Variants in KDM2B observed in about 807,000 individuals in gnomAD.
KDM2B encodes the protein lysine demethylase 2B, also known as lysine-specific demethylase 2B.
A neutral mutation model predicts 150.0 loss-of-function variants in KDM2B; 26 were observed. The observed-to-expected ratio is 0.17, with a 90% confidence interval of 0.13 to 0.24. The LOEUF (loss-of-function observed/expected upper bound fraction) is 0.24. KDM2B is among the 10% of genes least tolerant of loss of function. The pLI is 1.00. For missense variants in KDM2B, 1,265 were observed against 1,816.9 expected, an observed-to-expected ratio of 0.70 and a Z score of 5.52; for synonymous variants, 734 against 729.5, an observed-to-expected ratio of 1.01 and a Z score of -0.10.
At chr12:121,415,840 C>CTTTTTTTT in the KDM2B span, among the ~76,000 whole-genome samples, 1 of 108,088 alleles carries the variant, frequency 9.3e-6, no homozygotes, top group Non-Finnish European at 1.8e-5. Context: ...TTTGTCCAGT[C>CTTTTTTTT]TTTTTTTTTT....
the KDM2B span, among the ~76,000 whole-genome samples, chr12:121,422,546 C>G: frequency 6.6e-6 from 1 of 152,238 alleles, no homozygotes; most frequent in South Asian, 2.1e-4. Flanking sequence ...CCCCAGATCA[C>G]AAGAATCTCT....
At chr12:121,500,916 C>T (rs552885173) in intron 11 of KDM2B, among the ~76,000 whole-genome samples, 1 of 152,280 alleles carries the variant, frequency 6.6e-6, no homozygotes, top group East Asian at 1.9e-4. Context: ...GCCTGGTCAA[C>T]ATGGTGAGAC....
rs1872745024 is a variant in KDM2B at position 121,429,951 on chromosome 12, C to T, written c.*337G>A. On this transcript the variant is annotated 3_prime_UTR_variant, in exon 23 of 23. Coordinates refer to ENST00000377071, the MANE Select transcript of KDM2B (RefSeq NM_032590.5). The stretch of plus-strand genomic sequence containing the variant: ...GTTGCAAGGAATGAAGTGTCCAAAA[C>T]ACCACTACCACTAACAGAAACTCCT... The T allele has an allele frequency of 1.5e-6, 1 of 675,058 alleles. No homozygotes were observed. Among genetic ancestry groups the T allele is most frequent in the Admixed American group, 2.6e-5 (1 of 38,760 alleles). 41.8% of individuals were successfully genotyped at this position (675,058 alleles called of 1,614,324 possible). A position where few individuals can be genotyped will look rare whatever the true frequency, so the allele number is the denominator to read the frequency against.
chr12:121,521,011 T>C lies in KDM2B; in HGVS notation c.1021A>G (p.Ile341Val). Residue 341 changes from isoleucine (I) to valine (V), a missense_variant, in exon 9 of 23, where the codon ATC becomes GTC. Coordinates refer to ENST00000377071, the MANE Select transcript of KDM2B (RefSeq NM_032590.5). The surrounding 1 kb of genome is among the most constrained non-coding windows in gnomAD (Gnocchi z 4.9). Reference sequence around the variant, plus strand: ...CGCGTCCTGTCCTCGATCTCGTAGATCCGCAGCTGCATGGGCACGTTAAAG... The same window carrying C: ...CGCGTCCTGTCCTCGATCTCGTAGACCCGCAGCTGCATGGGCACGTTAAAG... ...HSFNVPMQLR[I>V]YEIEDRTRVQ... is the part of the protein sequence containing the mutation. 6.2e-7 allele frequency: 1 copy of C among 1,613,892 alleles called. No homozygotes were observed.
chr12:121,517,044 G>A (rs1443037665), intron 9 of KDM2B, among the ~76,000 whole-genome samples: 1 of 152,030 alleles, frequency 6.6e-6, no homozygotes, highest in Non-Finnish European at 1.5e-5. Flanking sequence ...GGGAGGGGGG[G>A]AAAGATAAAT....
chr12:121,423,602 C>G, the KDM2B span: 4 of 1,597,368 alleles, frequency 2.5e-6, no homozygotes, highest in Non-Finnish European at 3.4e-6. This position sits in a 1 kb window ranked among gnomAD's most constrained non-coding sequence, Gnocchi z 4.3. Context: ...CCAGGACAGT[C>G]ACCCCCAAAC....
rs1555289270 is a variant in KDM2B at position 121,443,781 on chromosome 12, G to C, written c.2464C>G (p.Gln822Glu). ...LSGRKRASSL[Q>E]TSPGSSSHLS... is the part of the protein sequence containing the mutation. ...TGAGAGGAGGAACCGGGGGACGTTT[G>C]AAGCGATGAGGCCTAAAGGGGGGTG... is the stretch of plus-strand genomic sequence containing the variant. The change falls in exon 17 of 23, where the codon CAA (glutamine) becomes GAA (glutamate). Residue 822 changes from glutamine to glutamate, a missense_variant. Physicochemically the swap from Gln to Glu is conservative, Grantham distance 29. Around this residue, in one of 11 missense-constraint regions of KDM2B, gnomAD observed 418 missense variants for 402.4 expected, o/e 1.04. Transcript: ENST00000377071. The C allele has an allele frequency of 6.3e-7, 1 of 1,598,666 alleles. No homozygotes were observed. The highest frequency in any genetic ancestry group is 1.1e-5 in the South Asian group (1 of 89,896).
At chr12:121,542,860 A>G (rs1262040179) in intron 6 of KDM2B, among the ~76,000 whole-genome samples, 2 of 152,104 alleles carry the variant, frequency 1.3e-5, no homozygotes, top group Non-Finnish European at 2.9e-5. Context: ...TCCCACCACA[A>G]TGTATGCTCC....
At chr12:121,443,931 C>A (rs1875650159) in intron 16 of KDM2B, 81 bp downstream of exon 16, 1 of 1,511,240 alleles carries the variant, frequency 6.6e-7, no homozygotes, top group Non-Finnish European at 9.0e-7. Context: ...CTGCTGCCCA[C>A]CCCCTGCCCC....
the KDM2B span, chr12:121,420,449 G>A: frequency 1.3e-6 from 2 of 1,553,874 alleles, no homozygotes; most frequent in Non-Finnish European, 1.7e-6. Context: ...TTGAATGTAG[G>A]ACAGTATACT....
intron 8 of KDM2B, among the ~76,000 whole-genome samples, chr12:121,527,653 CAAAAAAAAA>C (rs58304715): frequency 8.5e-5 from 5 of 58,576 alleles, no homozygotes; most frequent in African/African-American, 4.2e-4. Context: ...GACTCCGTCT[CAAAAAAAAA>C]AAAAAAAAAA....
chr12:121,555,653 C>T (rs1448417902), intron 4 of KDM2B, among the ~76,000 whole-genome samples: 9 of 152,200 alleles, frequency 5.9e-5, no homozygotes, highest in African/African-American at 1.9e-4. Context: ...AGATTATAGG[C>T]GTGAGCCACC....
Position 121,533,075 on chromosome 12 carries a change from G to A in KDM2B, c.778-116C>T, listed in dbSNP as rs574336025. The A allele has an allele frequency of 3.0e-6, 3 of 1,000,482 alleles. No homozygotes were observed. The highest frequency in any genetic ancestry group is 3.1e-5 in the South Asian group (2 of 65,054). The allele number at this position is 1,000,482 out of a possible 1,614,324, so 62.0% of individuals were successfully genotyped here. A position where few individuals can be genotyped will look rare whatever the true frequency, so the allele number is the denominator to read the frequency against. On this transcript the variant is annotated intron_variant, in intron 7 of 22. Coordinates refer to ENST00000377071, the MANE Select transcript of KDM2B (RefSeq NM_032590.5). The surrounding 1 kb of genome is among the most constrained non-coding windows in gnomAD (Gnocchi z 4.1). ...GCGAGACAAGCTGTGTGTGGGGTGG[G>A]GGGTGTGGAGAGATGGCAGATCCAT...
Position 121,513,216 on chromosome 12 carries a change from G to C in KDM2B, c.1174+60C>G. The C allele has an allele frequency of 6.3e-7, 1 of 1,591,678 alleles. No individual in the cohort carries two copies. Among genetic ancestry groups the C allele is most frequent in the Non-Finnish European group, 8.6e-7 (1 of 1,162,878 alleles). Reference sequence around the variant, plus strand: ...AGGGAGTGTCTCCAGGCCCCACTGAGAAAATGATTTCTGCCCCAGCTGTGC... The same window carrying C: ...AGGGAGTGTCTCCAGGCCCCACTGACAAAATGATTTCTGCCCCAGCTGTGC... On this transcript the variant is annotated intron_variant, in intron 10 of 22. Transcript: ENST00000377071. This position sits in a 1 kb window ranked among gnomAD's most constrained non-coding sequence, Gnocchi z 5.0.
At chr12:121,489,847 G>C (rs1163984514) in intron 12 of KDM2B, among the ~76,000 whole-genome samples, 2 of 152,192 alleles carry the variant, frequency 1.3e-5, no homozygotes, top group Non-Finnish European at 2.9e-5. Context: ...AGTCCCCCAG[G>C]TGAAGCTGAT....
chr12:121,420,391 AGT>A, the KDM2B span: 2 of 1,554,176 alleles, frequency 1.3e-6, no homozygotes, highest in Admixed American at 3.9e-5. Flanking sequence ...AGGAAGGGAC[AGT>A]GCCCTGTGGA....
chr12:121,463,065 C>T (rs1388686246), intron 12 of KDM2B, among the ~76,000 whole-genome samples: 3 of 151,416 alleles, frequency 2.0e-5, no homozygotes, highest in African/African-American at 4.9e-5. Flanking sequence ...GCCTATAATC[C>T]CAGCACTTTG....
intron 13 of KDM2B, among the ~76,000 whole-genome samples, chr12:121,449,140 A>G (rs1876788158): frequency 6.8e-6 from 1 of 146,484 alleles, no homozygotes; most frequent in Admixed American, 6.8e-5. Flanking sequence ...AGGTGGCAGG[A>G]TGGGAGGCGG....
At position 121,431,295 on chromosome 12, in the gene KDM2B, CTTTT is replaced by C. The variant is rs71453557; in HGVS notation, c.3830-830_3830-827del. Among the ~76,000 whole-genome samples, 799 of 98,918 alleles carry C rather than the reference CTTTT, an allele frequency of 8.1e-3. 5 individuals are homozygous for C. The highest frequency in any genetic ancestry group is 0.031 in the African/African-American group (681 of 21,664). The allele number at this position is 98,918 out of a possible 152,430, so 64.9% of individuals were successfully genotyped here. On this transcript the variant is annotated intron_variant, in intron 22 of 22. Coordinates refer to ENST00000377071, the MANE Select transcript of KDM2B (RefSeq NM_032590.5). The stretch of plus-strand genomic sequence containing the variant: ...TATAGGCGTGTGCCACCATGTGCAA[CTTTT>C]TTTTTTTTTTTTTTTTTTTTTTTGT...
Sources: allele counts gnomAD v4.1 joint callset (sites outside exome capture counted in the v4.1 genomes callset), GRCh38; gene constraint gnomAD v4.1.1; regional missense constraint gnomAD v4.1.1; non-coding constraint Gnocchi (gnomAD v3.1); transcripts MANE v1.5; gene names NCBI Gene and HGNC (gene_info 2026-07-23, HGNC 2026-07-21).